STYK1: variants seen among roughly 807,000 people sequenced by gnomAD.
STYK1 encodes tyrosine-protein kinase STYK1.
Under a neutral mutation model 48.1 loss-of-function variants are expected in STYK1, and 46 were observed. That is an observed-to-expected ratio of 0.96 (90% CI 0.75 to 1.22). The LOEUF is 1.22. Ranked by LOEUF, STYK1 falls within the 50% of genes most tolerant of loss-of-function variation. The pLI is 0.00. For missense variants in STYK1, 527 were observed against 521.1 expected (o/e 1.01, Z -0.11); for synonymous variants, 188 against 189.0 (o/e 0.99, Z 0.04).
intron 1 of STYK1, among the ~76,000 whole-genome samples, chr12:10,641,157 G>C (rs553140952): frequency 6.6e-6 from 1 of 152,018 alleles, no homozygotes; most frequent in Non-Finnish European, 1.5e-5. Context: ...CAGAATAAGG[G>C]CTATCAGTGA....
chr12:10,648,806 T>A (rs1236101691), intron 1 of STYK1, among the ~76,000 whole-genome samples: 1 of 151,962 alleles, frequency 6.6e-6, no homozygotes, highest in Non-Finnish European at 1.5e-5. Flanking sequence ...CTTTGAGTGA[T>A]CCTCCCACCC....
intron 1 of STYK1, among the ~76,000 whole-genome samples, chr12:10,646,868 G>A (rs1947605657): frequency 6.6e-6 from 1 of 152,212 alleles, no homozygotes; most frequent in African/African-American, 2.4e-5. Context: ...TTGGGCTGTT[G>A]CTTCAGAGAG....
At chr12:10,625,250 C>T (rs1316421726) in intron 7 of STYK1, among the ~76,000 whole-genome samples, 1 of 152,004 alleles carries the variant, frequency 6.6e-6, no homozygotes, top group Non-Finnish European at 1.5e-5. Context: ...GACAGTCTCG[C>T]TCTGTCACCC....
intron 1 of STYK1, among the ~76,000 whole-genome samples, chr12:10,654,486 T>C (rs1947696643): frequency 6.6e-6 from 1 of 152,274 alleles, no homozygotes; most frequent in South Asian, 2.1e-4. Flanking sequence ...GAAGGGACTA[T>C]ACTGAGGAGA....
intron 1 of STYK1, among the ~76,000 whole-genome samples, chr12:10,660,604 C>CCTCTA (rs1947766430): frequency 1.4e-5 from 2 of 147,860 alleles, no homozygotes; most frequent in Admixed American, 6.9e-5. Flanking sequence ...GGAGGTCAGC[C>CCTCTA]CAAGATACAG....
chr12:10,651,715 C>T (rs1209297001), intron 1 of STYK1, among the ~76,000 whole-genome samples: 1 of 152,122 alleles, frequency 6.6e-6, no homozygotes, highest in Non-Finnish European at 1.5e-5. Context: ...TAACATAATA[C>T]CACTCGCATT....
At chr12:10,665,068 G>A (rs772017340) in intron 1 of STYK1, among the ~76,000 whole-genome samples, 23 of 152,150 alleles carry the variant, frequency 1.5e-4, no homozygotes, top group Non-Finnish European at 1.6e-4. Context: ...TATGGGTGAG[G>A]AAAAGAGACA....
chr12:10,620,295 G>C lies in STYK1; in HGVS notation c.1118C>G (p.Pro373Arg). 1 of 1,613,864 alleles carries C rather than the reference G, an allele frequency of 6.2e-7. No homozygotes were observed. Among genetic ancestry groups the C allele is most frequent in the Non-Finnish European group, 8.5e-7 (1 of 1,180,042 alleles). Residue 373 changes from proline to arginine, a missense_variant, in exon 11 of 11, where the codon CCT (proline) becomes CGT (arginine). Transcript: ENST00000075503. ...WRWREADRPSPRELRLRLEAA... is the reference protein window; with the variant it reads ...WRWREADRPSRRELRLRLEAA... Reference sequence around the variant, plus strand: ...TTCTAGGCGCAAGCGCAGCTCTCTAGGTGAGGGGCGGTCAGCCTCACGCCA... The same window carrying C: ...TTCTAGGCGCAAGCGCAGCTCTCTACGTGAGGGGCGGTCAGCCTCACGCCA...
intron 7 of STYK1, among the ~76,000 whole-genome samples, chr12:10,626,956 G>A (rs760615712): frequency 1.3e-5 from 2 of 152,152 alleles, no homozygotes; most frequent in African/African-American, 4.8e-5. Flanking sequence ...CCAGTGAGCC[G>A]AGATCGTGCC....
intron 1 of STYK1, among the ~76,000 whole-genome samples, chr12:10,652,758 G>C (rs1024202709): frequency 6.9e-5 from 10 of 145,100 alleles, no homozygotes; most frequent in African/African-American, 2.5e-4. Flanking sequence ...TCTAAGGAGA[G>C]GTAATATGAG....
chr12:10,661,161 G>A (rs957866315), intron 1 of STYK1, among the ~76,000 whole-genome samples: 3 of 152,278 alleles, frequency 2.0e-5, no homozygotes, highest in East Asian at 1.9e-4. Flanking sequence ...CAGAACAGGA[G>A]GAGAAACATC....
At chr12:10,633,189 A>C (rs1191979190) in intron 4 of STYK1, among the ~76,000 whole-genome samples, 2 of 152,246 alleles carry the variant, frequency 1.3e-5, no homozygotes, top group Non-Finnish European at 2.9e-5. Context: ...GACGAAGACT[A>C]AGAATTGATC....
At chr12:10,627,905 T>G (rs537143309) in intron 6 of STYK1, among the ~76,000 whole-genome samples, 181 bp from the exon 7 acceptor site, 10 of 152,250 alleles carry the variant, frequency 6.6e-5, no homozygotes, top group South Asian at 6.2e-4. Context: ...AAATGATCCA[T>G]TGGACTGGAA....
chr12:10,653,260 T>A (rs1364879477), intron 1 of STYK1, among the ~76,000 whole-genome samples: 1 of 151,726 alleles, frequency 6.6e-6, no homozygotes, highest in Non-Finnish European at 1.5e-5. Context: ...TATTTTTTAG[T>A]AGGGACGGGG....
intron 1 of STYK1, among the ~76,000 whole-genome samples, chr12:10,665,237 C>A (rs1246877762): frequency 2.6e-5 from 4 of 152,186 alleles, no homozygotes; most frequent in African/African-American, 9.7e-5. Flanking sequence ...TATGATCACA[C>A]CTCCCTGTTA....
intron 1 of STYK1, among the ~76,000 whole-genome samples, chr12:10,666,743 C>A (rs1434969532): frequency 6.6e-6 from 1 of 152,194 alleles, no homozygotes; most frequent in Non-Finnish European, 1.5e-5. Context: ...GCTCTTCCCC[C>A]TTTGCTTCCT....
chr12:10,619,787 TA>T lies in STYK1; in HGVS notation c.*356del, dbSNP rs1865875320. The stretch of plus-strand genomic sequence containing the variant: ...CTTCATTTCATTCCAAATTTTCATC[TA>T]GATAAAAATGTGGTTCCAGAGGAAA... On this transcript the variant is annotated 3_prime_UTR_variant, in exon 11 of 11. Transcript: ENST00000075503. 1 of 399,018 alleles carries T rather than the reference TA, an allele frequency of 2.5e-6. No homozygotes were observed. The highest frequency in any genetic ancestry group is 4.2e-5 in the Admixed American group (1 of 23,762). 24.7% of individuals were successfully genotyped at this position (399,018 alleles called of 1,614,324 possible). A position where few individuals can be genotyped will look rare whatever the true frequency, so the allele number is the denominator to read the frequency against.
At chr12:10,651,966 T>C (rs2120745149) in intron 1 of STYK1, among the ~76,000 whole-genome samples, 1 of 152,368 alleles carries the variant, frequency 6.6e-6, no homozygotes, top group East Asian at 1.9e-4. Context: ...TTTCCTAGGC[T>C]CTAACAACGA....
At position 10,619,232 on chromosome 12, in the gene STYK1, T is replaced by C. The variant is rs1865866781; in HGVS notation, c.*912A>G. 1 of 152,184 alleles carries C rather than the reference T, an allele frequency of 6.6e-6. No homozygotes were observed. The highest frequency in any genetic ancestry group is 1.5e-5 in the Non-Finnish European group (1 of 68,044). 9.4% of individuals were successfully genotyped at this position (152,184 alleles called of 1,614,324 possible). The stretch of plus-strand genomic sequence containing the variant: ...ATAAGTTTCACAGTATATCAACAGA[T>C]GATTGAAAATTAGAAGCTGCTATCC... On this transcript the variant is annotated 3_prime_UTR_variant, in exon 11 of 11. Coordinates refer to ENST00000075503, the MANE Select transcript of STYK1 (RefSeq NM_018423.3).
Sources: gnomAD v4.1 joint callset for allele counts (sites outside exome capture counted in the v4.1 genomes callset) on GRCh38, gnomAD v4.1.1 for gene constraint, MANE v1.5 for transcripts, NCBI Gene and HGNC (gene_info 2026-07-23, HGNC 2026-07-21) for gene names.